SLC25A13: variants seen among roughly 807,000 people sequenced by gnomAD.
The protein encoded by SLC25A13 is electrogenic aspartate/glutamate antiporter SLC25A13, mitochondrial.
SLC25A13 carries 70 observed loss-of-function variants against 85.5 expected under a neutral mutation model. That is an observed-to-expected ratio of 0.82 (90% CI 0.68 to 1.00). The LOEUF is 1.00. Ranked by LOEUF, SLC25A13 falls within the 50% of genes least tolerant of loss-of-function variation. SLC25A13 has a pLI of 0.00. For synonymous variants in SLC25A13, 259 were observed against 288.7 expected, an observed-to-expected ratio of 0.90 and a Z score of 1.04; for missense variants, 765 against 819.8, an observed-to-expected ratio of 0.93 and a Z score of 0.82.
intron 1 of SLC25A13, 75 bp downstream of exon 1, chr7:96,321,867 G>C: frequency 6.8e-7 from 1 of 1,467,000 alleles, no homozygotes; most frequent in South Asian, 1.3e-5. Context: ...ACCCAGACAC[G>C]TGAGCGCCCG....
At chr7:96,220,866 C>T (rs1160018546) in intron 4 of SLC25A13, among the ~76,000 whole-genome samples, 1 of 152,150 alleles carries the variant, frequency 6.6e-6, no homozygotes, top group Non-Finnish European at 1.5e-5. Context: ...CCCTGACAGG[C>T]TTCTAAGGAA....
intron 3 of SLC25A13, among the ~76,000 whole-genome samples, chr7:96,246,741 G>A (rs1797207441): frequency 6.6e-6 from 1 of 152,020 alleles, no homozygotes; most frequent in Non-Finnish European, 1.5e-5. Context: ...CCCTGGCAAA[G>A]CAAAAATTAA....
chr7:96,188,208 A>G lies in SLC25A13; in HGVS notation c.933+1086T>C, dbSNP rs543105109. On this transcript the variant is annotated intron_variant, in intron 9 of 17. Transcript: ENST00000265631. Reference sequence around the variant, plus strand: ...GGAGAGCAGTGTTGCTTCCACCTCTACACGTGATTATAGTTATTTCTCCTG... The same window carrying G: ...GGAGAGCAGTGTTGCTTCCACCTCTGCACGTGATTATAGTTATTTCTCCTG... Among the ~76,000 whole-genome samples the G allele has an allele frequency of 3.3e-5, 5 of 152,300 alleles. No homozygotes were observed. The East Asian group carries it at 7.7e-4, about 23-fold the overall frequency.
intron 15 of SLC25A13, among the ~76,000 whole-genome samples, chr7:96,122,417 C>T (rs924193238): frequency 6.6e-6 from 1 of 152,044 alleles, no homozygotes; most frequent in Non-Finnish European, 1.5e-5. Context: ...TATGCGTTTC[C>T]TCTTCATGGT....
intron 4 of SLC25A13, among the ~76,000 whole-genome samples, chr7:96,222,264 G>A (rs779288656): frequency 1.7e-4 from 26 of 152,152 alleles, no homozygotes; most frequent in Non-Finnish European, 3.7e-4. Flanking sequence ...GGGCAAAACT[G>A]GACCAGTTTC....
At chr7:96,309,353 T>C (rs1799871664) in intron 1 of SLC25A13, among the ~76,000 whole-genome samples, 3 of 152,168 alleles carry the variant, frequency 2.0e-5, no homozygotes, top group African/African-American at 7.2e-5. Flanking sequence ...TTCATCTACC[T>C]TGGGACAGCA....
At chr7:96,264,414 A>G (rs1797969665) in intron 3 of SLC25A13, among the ~76,000 whole-genome samples, 1 of 152,160 alleles carries the variant, frequency 6.6e-6, no homozygotes, top group Non-Finnish European at 1.5e-5. Context: ...CTGGAAAAAA[A>G]TCAAAGAAAC....
At chr7:96,180,283 T>A (rs1794370990) in intron 11 of SLC25A13, among the ~76,000 whole-genome samples, 2 of 152,200 alleles carry the variant, frequency 1.3e-5, no homozygotes, top group Admixed American at 6.5e-5. Flanking sequence ...GCTTCTCCCA[T>A]CAATAGAAAC....
intron 14 of SLC25A13, among the ~76,000 whole-genome samples, chr7:96,132,522 T>C (rs996790236): frequency 7.9e-5 from 12 of 152,198 alleles, no homozygotes; most frequent in African/African-American, 2.9e-4. Context: ...TTTAAAGCTG[T>C]GTGTAGAACA....
chr7:96,219,665 T>C (rs752240418), intron 4 of SLC25A13: 1 of 534,274 alleles, frequency 1.9e-6, no homozygotes. Context: ...AAATTATGAA[T>C]CAGTAGATTT....
chr7:96,188,533 G>A (rs1445819883), intron 9 of SLC25A13, among the ~76,000 whole-genome samples: 1 of 152,050 alleles, frequency 6.6e-6, no homozygotes, highest in Non-Finnish European at 1.5e-5. Flanking sequence ...CCTAAAAGGA[G>A]AAATTTTTCT....
At chr7:96,223,847 T>G (rs569099157) in intron 4 of SLC25A13, among the ~76,000 whole-genome samples, 2 of 148,440 alleles carry the variant, frequency 1.3e-5, no homozygotes, top group African/African-American at 5.0e-5. Context: ...ACTGTGGAGC[T>G]AGGCTATTAA....
chr7:96,148,373 G>A (rs1354850370), intron 13 of SLC25A13, among the ~76,000 whole-genome samples: 1 of 152,168 alleles, frequency 6.6e-6, no homozygotes, highest in East Asian at 1.9e-4. Flanking sequence ...AGGTCCATGA[G>A]AAGAACAACT....
chr7:96,309,927 A>C (rs1312728632), intron 1 of SLC25A13, among the ~76,000 whole-genome samples: 3 of 152,116 alleles, frequency 2.0e-5, no homozygotes, highest in Non-Finnish European at 4.4e-5. Context: ...GATGAAGGGG[A>C]CCCTAATCCA....
chr7:96,259,197 C>T (rs1484211111), intron 3 of SLC25A13, among the ~76,000 whole-genome samples: 14 of 152,008 alleles, frequency 9.2e-5, no homozygotes, highest in Non-Finnish European at 1.2e-4. Flanking sequence ...GCAACAAAAG[C>T]CAAAATTGAC....
At chr7:96,260,807 AATT>A (rs1797826111) in intron 3 of SLC25A13, among the ~76,000 whole-genome samples, 1 of 151,978 alleles carries the variant, frequency 6.6e-6, no homozygotes, top group Non-Finnish European at 1.5e-5. Context: ...GCACAGTCCT[AATT>A]TCCCTTTCTT....
At chr7:96,294,114 G>A (rs945696128) in intron 2 of SLC25A13, among the ~76,000 whole-genome samples, 1 of 151,910 alleles carries the variant, frequency 6.6e-6, no homozygotes, top group Non-Finnish European at 1.5e-5. Context: ...AAAATGATGA[G>A]TTCATATCCT....
At chr7:96,244,372 G>T (rs545445464) in intron 3 of SLC25A13, among the ~76,000 whole-genome samples, 36 of 152,248 alleles carry the variant, frequency 2.4e-4, no homozygotes, top group Admixed American at 2.0e-3. Context: ...GCACACAAAC[G>T]AAGACTCACG....
chr7:96,208,712 G>A (rs1212745686), intron 5 of SLC25A13, 126 bp downstream of exon 5: 17 of 1,064,416 alleles, frequency 1.6e-5, no homozygotes, highest in Non-Finnish European at 2.4e-5. Context: ...TCACCATGTT[G>A]GCCAGGATGG....
Sources: allele counts gnomAD v4.1 joint callset (sites outside exome capture counted in the v4.1 genomes callset), GRCh38; gene constraint gnomAD v4.1.1; transcripts MANE v1.5; gene names NCBI Gene and HGNC (gene_info 2026-07-23, HGNC 2026-07-21).